Variants in ZNF704 observed in about 807,000 individuals in gnomAD.
ZNF704 encodes the protein glucocorticoid induced gene 1.
Under a neutral mutation model 44.7 loss-of-function variants are expected in ZNF704, and 10 were observed. That is an observed-to-expected ratio of 0.22 (90% confidence interval 0.14 to 0.38). ZNF704 has a LOEUF of 0.38. Among genes scored for constraint, ZNF704 ranks in the 10% least tolerant of loss-of-function variants. The pLI is 1.00. For synonymous variants in ZNF704, 211 were observed against 207.6 expected (o/e 1.02, Z -0.14); for missense variants, 390 against 545.5 (o/e 0.71, Z 2.84).
rs546620117 is a variant in ZNF704, at chr8:80,729,971, T to C, written c.222-36864A>G. Among the ~76,000 whole-genome samples, 48 of 152,252 alleles carry C rather than the reference T, an allele frequency of 3.2e-4. No homozygotes were observed. In the South Asian group the frequency reaches 9.6e-3, roughly 30 times the overall value. On this transcript the variant is annotated intron_variant, in intron 2 of 8. Transcript: ENST00000327835. ...TGGCTTCTCCCGTGTGCTTGCCACA[T>C]GTCTAGAGAATTGTATGCCCCATTC... is the stretch of plus-strand genomic sequence containing the variant.
rs1670830805 is a variant in ZNF704 at position 80,632,830 on chromosome 8, G to A, written c.*8536C>T. 2 of 152,132 alleles carry A rather than the reference G, an allele frequency of 1.3e-5. No individual in the cohort carries two copies. Among genetic ancestry groups the A allele is most frequent in the South Asian group, 4.1e-4 (2 of 4,826 alleles). The allele number at this position is 152,132 out of a possible 1,614,324, so 9.4% of individuals were successfully genotyped here. A position where few individuals can be genotyped will look rare whatever the true frequency, so the allele number is the denominator to read the frequency against. ...ACGGCGCTATGATTCTTTTCCATCAGAAGAGGAAAGGACTAAACTGTTTCA... is the reference window on the plus strand; with the variant it reads ...ACGGCGCTATGATTCTTTTCCATCAAAAGAGGAAAGGACTAAACTGTTTCA... On this transcript the variant is annotated 3_prime_UTR_variant, in exon 9 of 9. Coordinates refer to ENST00000327835, the MANE Select transcript of ZNF704 (RefSeq NM_001033723.3).
At chr8:80,771,257 G>C (rs1807314774) in intron 2 of ZNF704, among the ~76,000 whole-genome samples, 1 of 152,044 alleles carries the variant, frequency 6.6e-6, no homozygotes. Flanking sequence ...TTAGAATTTT[G>C]ATAGGAACTG....
intron 1 of ZNF704, among the ~76,000 whole-genome samples, chr8:80,848,313 C>T (rs1362904514): frequency 1.3e-5 from 2 of 152,144 alleles, no homozygotes; most frequent in Admixed American, 1.3e-4. Flanking sequence ...TCTGTGTCTA[C>T]AATGATGGGG....
intron 1 of ZNF704, among the ~76,000 whole-genome samples, chr8:80,865,377 C>G (rs1460818264): frequency 6.6e-6 from 1 of 152,178 alleles, no homozygotes; most frequent in Non-Finnish European, 1.5e-5. Flanking sequence ...GAACCCAGAG[C>G]CTGTGCCACA....
intron 7 of ZNF704, among the ~76,000 whole-genome samples, chr8:80,652,980 G>C (rs1338083577): frequency 6.6e-6 from 1 of 152,024 alleles, no homozygotes; most frequent in African/African-American, 2.4e-5. Context: ...ATGATCAAGT[G>C]GGCTTCATCC....
At chr8:80,781,861 G>A (rs1331359180) in intron 2 of ZNF704, among the ~76,000 whole-genome samples, 3 of 152,170 alleles carry the variant, frequency 2.0e-5, no homozygotes, top group Non-Finnish European at 4.4e-5. Context: ...AGAAAGCCTT[G>A]TTTCCACTAG....
At chr8:80,754,810 G>A (rs1807007584) in intron 2 of ZNF704, among the ~76,000 whole-genome samples, 1 of 152,144 alleles carries the variant, frequency 6.6e-6, no homozygotes, top group Non-Finnish European at 1.5e-5. Flanking sequence ...AGTTCTCTGT[G>A]TTCTCTTCTT....
At chr8:80,856,189 C>T (rs1288209635) in intron 1 of ZNF704, among the ~76,000 whole-genome samples, 1 of 152,044 alleles carries the variant, frequency 6.6e-6, no homozygotes, top group Non-Finnish European at 1.5e-5. Context: ...GGACTCCTGG[C>T]TTCAAGCAAT....
intron 1 of ZNF704, among the ~76,000 whole-genome samples, chr8:80,834,144 T>A (rs113258990): frequency 8.6e-5 from 13 of 152,010 alleles, no homozygotes; most frequent in African/African-American, 2.7e-4. Flanking sequence ...CAGTGAGCCG[T>A]GATTGTGCCA....
chr8:80,872,333 T>C (rs1465783062), intron 1 of ZNF704, among the ~76,000 whole-genome samples: 1 of 152,304 alleles, frequency 6.6e-6, no homozygotes, highest in African/African-American at 2.4e-5. Context: ...TCCAGGGTGG[T>C]CTAGGAAATA....
At chr8:80,749,880 C>T (rs1806911873) in intron 2 of ZNF704, among the ~76,000 whole-genome samples, 1 of 152,122 alleles carries the variant, frequency 6.6e-6, no homozygotes, top group Admixed American at 6.5e-5. Context: ...AGGGATGGAC[C>T]CTCCTTCCCT....
intron 2 of ZNF704, among the ~76,000 whole-genome samples, chr8:80,767,812 TCCTTGAAAC>T (rs1807253295): frequency 6.6e-6 from 1 of 152,164 alleles, no homozygotes; most frequent in African/African-American, 2.4e-5. Context: ...AATTACCTTC[TCCTTGAAAC>T]CCTCTATAAC....
chr8:80,722,268 C>T (rs1585980471), intron 2 of ZNF704, among the ~76,000 whole-genome samples: 1 of 142,330 alleles, frequency 7.0e-6, no homozygotes, highest in East Asian at 2.0e-4. Flanking sequence ...CAAAACAAAA[C>T]AAACAAACAA....
At chr8:80,876,778 G>GT (rs1259855430), upstream of ZNF704, among the ~76,000 whole-genome samples, 2 of 152,160 alleles carry the variant, frequency 1.3e-5, no homozygotes, top group Non-Finnish European at 2.9e-5. Flanking sequence ...ACTAAACATT[G>GT]TAATGGTAGG....
At chr8:80,854,835 T>C (rs1685160291) in intron 1 of ZNF704, among the ~76,000 whole-genome samples, 1 of 152,222 alleles carries the variant, frequency 6.6e-6, no homozygotes, top group South Asian at 2.1e-4. Context: ...ATATTGTAAT[T>C]ACTTATTTGT....
intron 1 of ZNF704, among the ~76,000 whole-genome samples, chr8:80,860,772 A>G (rs1809046813): frequency 6.6e-6 from 1 of 152,208 alleles, no homozygotes; most frequent in South Asian, 2.1e-4. Flanking sequence ...CCAAATTATA[A>G]AAGACTTGCA....
chr8:80,812,140 T>G (rs1180710106), intron 2 of ZNF704: 1 of 152,638 alleles, frequency 6.6e-6, no homozygotes. Flanking sequence ...TCCATCATAA[T>G]TGTCTTCTTC....
At chr8:80,850,395 T>C (rs2129997159) in intron 1 of ZNF704, among the ~76,000 whole-genome samples, 1 of 152,118 alleles carries the variant, frequency 6.6e-6, no homozygotes, top group Middle Eastern at 3.4e-3. Context: ...GTACTTAATT[T>C]CCCCCCAAAA....
chr8:80,848,468 TGAAA>T (rs1453851295), intron 1 of ZNF704, among the ~76,000 whole-genome samples: 13 of 152,238 alleles, frequency 8.5e-5, no homozygotes, highest in African/African-American at 3.1e-4. Flanking sequence ...ATGTTACCAT[TGAAA>T]GAAACAGGTG....
Sources: gnomAD v4.1 joint callset for allele counts (sites outside exome capture counted in the v4.1 genomes callset) on GRCh38, gnomAD v4.1.1 for gene constraint, MANE v1.5 for transcripts, NCBI Gene and HGNC (gene_info 2026-07-23, HGNC 2026-07-21) for gene names.